PDE1A: variants seen among roughly 807,000 people sequenced by gnomAD.
PDE1A encodes the protein dual specificity calcium/calmodulin-dependent 3',5'-cyclic nucleotide phosphodiesterase 1A.
A neutral mutation model predicts 61.7 loss-of-function variants in PDE1A; 35 were observed. The ratio of observed to expected loss-of-function variants is 0.57; its 90% CI spans 0.43 to 0.75. The LOEUF (loss-of-function observed/expected upper bound fraction) is 0.75. Ranked by LOEUF, PDE1A falls within the 30% of genes least tolerant of loss-of-function variation. PDE1A has a pLI of 0.00. For synonymous variants in PDE1A, 232 were observed against 213.2 expected (o/e 1.09, Z -0.77); for missense variants, 597 against 630.6 (o/e 0.95, Z 0.57).
At chr2:182,235,902 G>A (rs542146491) in intron 3 of PDE1A, among the ~76,000 whole-genome samples, 43 of 152,234 alleles carry the variant, frequency 2.8e-4, no homozygotes, top group African/African-American at 9.4e-4. Context: ...AAAAATGCAT[G>A]GGACATATTA....
the PDE1A span, among the ~76,000 whole-genome samples, chr2:182,684,035 A>G: frequency 4.9e-3 from 750 of 151,756 alleles, 6 homozygotes; most frequent in African/African-American, 0.017. Context: ...AGGCAGGGGA[A>G]TCGCTTGAAC....
chr2:182,219,774 A>G (rs1033876804), intron 7 of PDE1A, among the ~76,000 whole-genome samples: 1 of 152,042 alleles, frequency 6.6e-6, no homozygotes, highest in Non-Finnish European at 1.5e-5. Context: ...TAAAAAATGA[A>G]AAGTTCCCAC....
chr2:182,467,312 T>C (rs1414481252), intron 2 of PDE1A, among the ~76,000 whole-genome samples: 2 of 151,844 alleles, frequency 1.3e-5, no homozygotes, highest in Non-Finnish European at 2.9e-5. Context: ...CCAATAAATT[T>C]TGCACCTAAA....
chr2:182,258,636 C>A (rs1692000487), intron 2 of PDE1A, among the ~76,000 whole-genome samples: 1 of 152,132 alleles, frequency 6.6e-6, no homozygotes, highest in Non-Finnish European at 1.5e-5. Flanking sequence ...ACATATTTTA[C>A]CTTTAGTCCT....
chr2:182,560,921 A>G, the PDE1A span, among the ~76,000 whole-genome samples: 3 of 151,756 alleles, frequency 2.0e-5, no homozygotes, highest in Non-Finnish European at 4.4e-5. Context: ...TTTTCTTGTA[A>G]ATTTGTTTGA....
At chr2:182,481,703 G>C (rs867080633) in intron 2 of PDE1A, among the ~76,000 whole-genome samples, 9 of 151,902 alleles carry the variant, frequency 5.9e-5, no homozygotes, top group Admixed American at 6.6e-5. Flanking sequence ...GAATATGTGG[G>C]GGAAGGTACA....
chr2:182,298,486 G>A (rs1444860846), intron 1 of PDE1A, among the ~76,000 whole-genome samples: 1 of 152,134 alleles, frequency 6.6e-6, no homozygotes, highest in Non-Finnish European at 1.5e-5. Context: ...ATGATATGTG[G>A]GATGGGGACA....
chr2:182,523,535 CTTGT>C (rs775987881), upstream of PDE1A, among the ~76,000 whole-genome samples: 2 of 152,126 alleles, frequency 1.3e-5, no homozygotes, highest in Non-Finnish European at 2.9e-5. Flanking sequence ...AATATTTCTT[CTTGT>C]TTGTTTGAAA....
chr2:182,228,532 G>A (rs373015935), intron 6 of PDE1A, among the ~76,000 whole-genome samples: 8 of 152,144 alleles, frequency 5.3e-5, no homozygotes, highest in African/African-American at 1.9e-4. Context: ...TTTCTATAAA[G>A]CTTTTTTGTT....
At chr2:182,151,723 G>A (rs1285103687) in intron 13 of PDE1A, among the ~76,000 whole-genome samples, 2 of 151,986 alleles carry the variant, frequency 1.3e-5, no homozygotes, top group African/African-American at 2.4e-5. Context: ...TAAATTTGTT[G>A]TTCTTTTTGT....
At chr2:182,331,101 G>C (rs1480657842) in intron 1 of PDE1A, among the ~76,000 whole-genome samples, 1 of 152,134 alleles carries the variant, frequency 6.6e-6, no homozygotes, top group Non-Finnish European at 1.5e-5. Flanking sequence ...TATCCCCACT[G>C]ACCTTCTTTC....
At chr2:182,149,385 T>C (rs947495069) in intron 13 of PDE1A, among the ~76,000 whole-genome samples, 3 of 152,166 alleles carry the variant, frequency 2.0e-5, no homozygotes, top group African/African-American at 4.8e-5. Flanking sequence ...AATCCCCAAA[T>C]GATACACATA....
chr2:182,280,137 G>T (rs1054080954), intron 1 of PDE1A, among the ~76,000 whole-genome samples: 4 of 149,826 alleles, frequency 2.7e-5, no homozygotes, highest in African/African-American at 7.4e-5. Context: ...CCATGCCTTT[G>T]GGTTTTTTTT....
the PDE1A span, among the ~76,000 whole-genome samples, chr2:182,552,450 T>G: frequency 1.4e-5 from 2 of 146,830 alleles, no homozygotes; most frequent in Non-Finnish European, 3.0e-5. Flanking sequence ...TTTTTTTTTT[T>G]TTTTTTTTTT....
chr2:182,626,810 T>TAC, the PDE1A span, among the ~76,000 whole-genome samples: 32 of 40,160 alleles, frequency 8.0e-4, no homozygotes, highest in Non-Finnish European at 1.3e-3. Flanking sequence ...TACATATATA[T>TAC]ATACATATAT....
chr2:182,615,584 G>A, the PDE1A span, among the ~76,000 whole-genome samples: 1 of 152,222 alleles, frequency 6.6e-6, no homozygotes, highest in Non-Finnish European at 1.5e-5. Context: ...ATAACACATT[G>A]CTATTGTCTA....
chr2:182,306,541 C>T (rs1164974275), intron 1 of PDE1A, among the ~76,000 whole-genome samples: 3 of 151,944 alleles, frequency 2.0e-5, no homozygotes, highest in African/African-American at 7.2e-5. Flanking sequence ...AATCTGAAGA[C>T]ACCATACTAC....
chr2:182,447,595 A>G (rs530886145), intron 2 of PDE1A, among the ~76,000 whole-genome samples: 1 of 152,208 alleles, frequency 6.6e-6, no homozygotes, highest in East Asian at 1.9e-4. Flanking sequence ...TAAGGCACAC[A>G]TGCCTACCCT....
intron 2 of PDE1A, among the ~76,000 whole-genome samples, chr2:182,252,368 T>C (rs992209867): frequency 1.3e-5 from 2 of 152,184 alleles, no homozygotes; most frequent in Non-Finnish European, 2.9e-5. Context: ...ACTCTTTGTA[T>C]ATATGGTCAG....
Sources: allele counts gnomAD v4.1 joint callset (sites outside exome capture counted in the v4.1 genomes callset), GRCh38; gene constraint gnomAD v4.1.1; transcripts MANE v1.5; gene names NCBI Gene and HGNC (gene_info 2026-07-23, HGNC 2026-07-21).